Variants in UVSSA observed in about 807,000 individuals in gnomAD.
UVSSA encodes the protein UV-stimulated scaffold protein A.
UVSSA carries 72 observed loss-of-function variants against 73.9 expected under a neutral mutation model. The observed-to-expected ratio is 0.97, with a 90% CI of 0.81 to 1.19. The LOEUF is 1.19. UVSSA is among the 50% of genes most tolerant of loss of function. The pLI is 0.00. For synonymous variants in UVSSA, 454 were observed against 391.3 expected (o/e 1.16, Z -1.89); for missense variants, 1,150 against 965.0 (o/e 1.19, Z -2.54).
chr4:1,373,401 G>A (rs1391795047), intron 8 of UVSSA, among the ~76,000 whole-genome samples: 1 of 152,196 alleles, frequency 6.6e-6, no homozygotes, highest in Non-Finnish European at 1.5e-5. Context: ...CAGCTGACTA[G>A]ATGGTGCCCA....
chr4:1,395,779 CTCATGGTGGCT>C (rs1159281465), exon 14 of UVSSA: 8 of 1,614,126 alleles, frequency 5.0e-6, no homozygotes, highest in Admixed American at 1.7e-5. Flanking sequence ...GTACATTCTA[CTCATGGTGGCT>C]TTTTAATACG....
intron 8 of UVSSA, among the ~76,000 whole-genome samples, chr4:1,370,267 G>A (rs1209437104): frequency 2.0e-5 from 3 of 152,206 alleles, no homozygotes; most frequent in Admixed American, 6.5e-5. Context: ...GCGTGTGTGC[G>A]TGTGTGTGCA....
At chr4:1,347,856 A>G in intron 1 of UVSSA, 96 bp downstream of exon 1, 2 of 508,498 alleles carry the variant, frequency 3.9e-6, no homozygotes, top group South Asian at 4.6e-5. Context: ...GCAGCGTCCC[A>G]CACACGGGAT....
At chr4:1,375,327 G>A in intron 8 of UVSSA, 37 bp from the exon 9 acceptor site, 1 of 1,609,276 alleles carries the variant, frequency 6.2e-7, no homozygotes, top group Non-Finnish European at 8.5e-7. Flanking sequence ...GCGGGTTGTG[G>A]GAGTGGTGGC....
At position 1,364,200 on chromosome 4, in the gene UVSSA, C is replaced by CTGGGCTTGGAGCCGCAGTCCCCTGCA. The variant is rs1717004622; in HGVS notation, c.1177-2120_1177-2119insTGGGCTTGGAGCCGCAGTCCCCTGCA. On this transcript the variant is annotated intron_variant, in intron 7 of 13. Coordinates refer to ENST00000389851, the MANE Select transcript of UVSSA (RefSeq NM_020894.4). ...CTTGTGTGGCCTGGCTCCGTGGGGG[C>CTGGGCTTGGAGCCGCAGTCCCCTGCA]CACCTCCCGGCAGGGTGCTGGTGCC... Among the ~76,000 whole-genome samples the CTGGGCTTGGAGCCGCAGTCCCCTGCA allele has an allele frequency of 4.7e-5, 2 of 42,140 alleles. 1 individual carries two copies. The highest frequency in any genetic ancestry group is 1.9e-4 in the African/African-American group (2 of 10,342). 27.6% of individuals were successfully genotyped at this position (42,140 alleles called of 152,430 possible).
Position 1,348,136 on chromosome 4 carries a change from A to G in UVSSA, c.45A>G (p.Ser15=). Reference sequence around the variant, plus strand: ...AGTTGGTAGAAGAGCTCACAACTTCAGGAGAACCCCGACTAAATCCTGAGA... The same window carrying G: ...AGTTGGTAGAAGAGCTCACAACTTCGGGAGAACCCCGACTAAATCCTGAGA... ...LSKLVEELTT[S]GEPRLNPEKM... Residue 15 remains serine, a synonymous_variant, in exon 2 of 14, where the codon TCA becomes TCG. Transcript: ENST00000389851. 4 of 1,613,946 alleles carry G rather than the reference A, an allele frequency of 2.5e-6. No individual in the cohort carries two copies. The highest frequency in any genetic ancestry group is 3.4e-6 in the Non-Finnish European group (4 of 1,179,984).
At chr4:1,354,292 G>A (rs1003096306) in intron 5 of UVSSA, among the ~76,000 whole-genome samples, 8 of 152,116 alleles carry the variant, frequency 5.3e-5, no homozygotes, top group East Asian at 1.9e-4. Flanking sequence ...GGGAAGCCAC[G>A]GCAGGGCAGA....
chr4:1,395,817 C>T (rs368420407), exon 14 of UVSSA: 2 of 1,613,982 alleles, frequency 1.2e-6, no homozygotes, highest in African/African-American at 1.3e-5. Context: ...TGTCAAGGAT[C>T]CCTTTTATAT....
chr4:1,348,516 G>T (rs1013531125), intron 2 of UVSSA, among the ~76,000 whole-genome samples: 1 of 152,198 alleles, frequency 6.6e-6, no homozygotes, highest in African/African-American at 2.4e-5. Flanking sequence ...TGGACTTTTC[G>T]AAGGGAAAGA....
chr4:1,366,385 G>A lies in UVSSA; in HGVS notation c.1242G>A (p.Lys414=). 5.0e-6 allele frequency: 8 copies of A among 1,613,634 alleles called. No individual in the cohort carries two copies. The highest frequency in any genetic ancestry group is 6.8e-6 in the Non-Finnish European group (8 of 1,179,760). ...AGGACTTTGTGGAGGTCCCTGAGAAGGAGGGGTATGAGCCACACATCCCCG... is the reference window on the plus strand; with the variant it reads ...AGGACTTTGTGGAGGTCCCTGAGAAAGAGGGGTATGAGCCACACATCCCCG... ...DDEDFVEVPE[K]EGYEPHIPDH... The change falls in exon 8 of 14, where the codon AAG becomes AAA. Residue 414 remains lysine (K), a synonymous_variant. Transcript: ENST00000389851.
intron 8 of UVSSA, among the ~76,000 whole-genome samples, chr4:1,367,699 C>T (rs968393094): frequency 3.9e-5 from 6 of 152,116 alleles, no homozygotes; most frequent in African/African-American, 1.2e-4. Context: ...TGGCCCATTC[C>T]GGACCAGGGT....
chr4:1,366,112 C>T (rs1054910787), intron 7 of UVSSA: 1 of 475,046 alleles, frequency 2.1e-6, no homozygotes, highest in Admixed American at 3.8e-5. Flanking sequence ...GCCCCCAGCA[C>T]AGGGGCAGTG....
intron 8 of UVSSA, among the ~76,000 whole-genome samples, chr4:1,371,033 C>T (rs933484892): frequency 2.6e-5 from 4 of 152,208 alleles, no homozygotes; most frequent in African/African-American, 9.7e-5. Context: ...CAGCTCTTCT[C>T]TCCAAACAGA....
chr4:1,394,397 G>C, exon 14 of UVSSA: 3 of 1,508,548 alleles, frequency 2.0e-6, no homozygotes, highest in South Asian at 2.5e-5. Context: ...TACTTTTATG[G>C]GTTTCATTTT....
chr4:1,383,353 CGGTCCA>C (rs1242138022), intron 12 of UVSSA, among the ~76,000 whole-genome samples: 9 of 152,186 alleles, frequency 5.9e-5, no homozygotes, highest in African/African-American at 1.9e-4. Flanking sequence ...TAGTGGGGCA[CGGTCCA>C]GCCTGCAGGC....
At chr4:1,388,746 C>A (rs924744549), downstream of UVSSA, 5 of 152,170 alleles carry the variant, frequency 3.3e-5, no homozygotes, top group African/African-American at 1.2e-4. Context: ...TATAGTGATA[C>A]AGTATATTAC....
chr4:1,351,920 C>G, intron 4 of UVSSA, 85 bp downstream of exon 4: 4 of 1,557,968 alleles, frequency 2.6e-6, no homozygotes, highest in Non-Finnish European at 8.7e-7. Flanking sequence ...CCCAGGGCCC[C>G]AGCCGCAAGG....
chr4:1,354,749 C>G lies in UVSSA; in HGVS notation c.949C>G (p.Gln317Glu), dbSNP rs1185549922. The G allele has an allele frequency of 6.2e-7, 1 of 1,613,520 alleles. No homozygotes were observed. The highest frequency in any genetic ancestry group is 8.5e-7 in the Non-Finnish European group (1 of 1,179,894). The change falls in exon 6 of 14, where the codon CAG becomes GAG. Residue 317 changes from glutamine (Q) to glutamate (E), a missense_variant. Coordinates refer to ENST00000389851, the MANE Select transcript of UVSSA (RefSeq NM_020894.4). ...CTTCTCCCCAGAGGGCCTGAAGGTG[C>G]AGGAGAACGAGGACAACCTTGCTCT... Reference protein sequence around the residue: ...VELCSEGLKVQENEDNLALIH... With the variant: ...VELCSEGLKVEENEDNLALIH...
exon 14 of UVSSA, chr4:1,393,990 G>GTA: frequency 4.7e-6 from 1 of 211,800 alleles, no homozygotes; most frequent in South Asian, 7.9e-5. Context: ...CGCAGTTGAT[G>GTA]CATGGTGAGT....
Sources: gnomAD v4.1 joint callset for allele counts (sites outside exome capture counted in the v4.1 genomes callset) on GRCh38, gnomAD v4.1.1 for gene constraint, MANE v1.5 for transcripts, NCBI Gene and HGNC (gene_info 2026-07-23, HGNC 2026-07-21) for gene names.